Variants in SCMH1 observed in about 807,000 individuals in gnomAD.
SCMH1 encodes Scm polycomb group protein homolog 1.
Under a neutral mutation model 70.8 loss-of-function variants are expected in SCMH1, and 37 were observed. The observed-to-expected ratio is 0.52, with a 90% CI of 0.40 to 0.69. SCMH1 has a LOEUF of 0.69. Among genes scored for constraint, SCMH1 ranks in the 30% least tolerant of loss-of-function variants. The pLI is 0.00. For synonymous variants in SCMH1, 292 were observed against 307.4 expected (o/e 0.95, Z 0.52); for missense variants, 607 against 827.3 (o/e 0.73, Z 3.27).
rs924416079 is a variant in SCMH1, at chr1:41,081,357, T to C, written c.746-5906A>G. ...AATTCCAATAGAAATCTCAGCAGTT[T>C]CTAAAAAATGTGTGGTGTATGTATG... is the stretch of plus-strand genomic sequence containing the variant. On this transcript the variant is annotated intron_variant, in intron 8 of 14. Coordinates refer to ENST00000337495, the Ensembl canonical transcript of SCMH1. Among the ~76,000 whole-genome samples, 70 of 152,308 alleles carry C rather than the reference T, an allele frequency of 4.6e-4. 1 individual carries two copies. The highest frequency in any genetic ancestry group is 4.6e-4 in the Admixed American group (7 of 15,298).
chr1:41,161,576 G>C, intron 2 of SCMH1, 144 bp from the exon 3 acceptor site: 1 of 919,574 alleles, frequency 1.1e-6, no homozygotes, highest in Non-Finnish European at 1.5e-6. Flanking sequence ...CAAAATACAA[G>C]AAAAAGGTTT....
At chr1:41,154,983 A>G (rs1169760712) in intron 4 of SCMH1, among the ~76,000 whole-genome samples, 1 of 152,222 alleles carries the variant, frequency 6.6e-6, no homozygotes, top group East Asian at 1.9e-4. Flanking sequence ...CAGTAAGTGA[A>G]AAGAACTTGA....
intron 7 of SCMH1, among the ~76,000 whole-genome samples, chr1:41,114,587 A>ATT (rs550894300): frequency 0.016 from 2,482 of 151,826 alleles, 27 homozygotes; most frequent in South Asian, 0.03. Context: ...TTGGGTGGAA[A>ATT]TAACCTTTAT....
chr1:41,187,827 AT>A (rs1176370810), intron 1 of SCMH1, among the ~76,000 whole-genome samples: 1 of 147,586 alleles, frequency 6.8e-6, no homozygotes, highest in African/African-American at 2.5e-5. Flanking sequence ...AAAAAAAAAA[AT>A]ATAAAAATTA....
At chr1:41,149,695 G>A (rs531961338) in intron 5 of SCMH1, among the ~76,000 whole-genome samples, 44 of 152,290 alleles carry the variant, frequency 2.9e-4, no homozygotes, top group Middle Eastern at 6.8e-3. Flanking sequence ...CCGGACTGAA[G>A]CAATACTCAG....
At chr1:41,107,664 T>C (rs1397519153) in intron 8 of SCMH1, among the ~76,000 whole-genome samples, 1 of 152,004 alleles carries the variant, frequency 6.6e-6, no homozygotes, top group Non-Finnish European at 1.5e-5. Flanking sequence ...GGACTACAGG[T>C]GGGCACCACC....
At chr1:41,187,307 C>A (rs1464112959) in intron 1 of SCMH1, among the ~76,000 whole-genome samples, 6 of 150,826 alleles carry the variant, frequency 4.0e-5, no homozygotes, top group Non-Finnish European at 7.4e-5. Context: ...ACTAAAAATA[C>A]AAAAATTAGC....
At chr1:41,195,090 C>T (rs1466020174) in intron 1 of SCMH1, among the ~76,000 whole-genome samples, 5 of 127,134 alleles carry the variant, frequency 3.9e-5, no homozygotes, top group African/African-American at 1.5e-4. Flanking sequence ...AAGATCATAC[C>T]ATTGCACTCT....
At chr1:41,192,789 A>G (rs1047355983) in intron 1 of SCMH1, among the ~76,000 whole-genome samples, 3 of 152,156 alleles carry the variant, frequency 2.0e-5, no homozygotes, top group African/African-American at 4.8e-5. Context: ...CATACCTACT[A>G]CTATGGCTTG....
At chr1:41,077,767 A>G in intron 8 of SCMH1, among the ~76,000 whole-genome samples, 1 of 152,188 alleles carries the variant, frequency 6.6e-6, no homozygotes, top group Admixed American at 6.5e-5. Flanking sequence ...GCCCTATCCT[A>G]TTTAGTCTAG....
intron 8 of SCMH1, among the ~76,000 whole-genome samples, chr1:41,102,553 T>C (rs1412736110): frequency 1.3e-5 from 2 of 152,224 alleles, no homozygotes; most frequent in Non-Finnish European, 2.9e-5. Context: ...AGAGGACCTC[T>C]GCAACTACAA....
chr1:41,238,876 T>C (rs1662921227), intron 1 of SCMH1, among the ~76,000 whole-genome samples: 1 of 152,198 alleles, frequency 6.6e-6, no homozygotes, highest in African/African-American at 2.4e-5. Flanking sequence ...AAGTCCAGAA[T>C]TGAACTCATC....
intron 1 of SCMH1, among the ~76,000 whole-genome samples, chr1:41,234,723 C>T (rs1244273331): frequency 6.6e-6 from 1 of 151,942 alleles, no homozygotes; most frequent in Admixed American, 6.6e-5. Context: ...ATCAGCCCAC[C>T]TCGGCCTCCC....
At chr1:41,126,744 A>AT (rs914961255) in intron 6 of SCMH1, among the ~76,000 whole-genome samples, 11 of 152,134 alleles carry the variant, frequency 7.2e-5, no homozygotes, top group Non-Finnish European at 1.6e-4. Context: ...TCCTCATTCT[A>AT]TTTTATGGTT....
chr1:41,183,235 G>A (rs1047761977), intron 2 of SCMH1, among the ~76,000 whole-genome samples: 3 of 152,022 alleles, frequency 2.0e-5, no homozygotes, highest in East Asian at 3.8e-4. Context: ...TATCTCTCAC[G>A]TTGACCAATA....
intron 1 of SCMH1, among the ~76,000 whole-genome samples, chr1:41,236,361 T>A (rs1311309789): frequency 2.0e-5 from 3 of 152,170 alleles, no homozygotes; most frequent in Non-Finnish European, 2.9e-5. Context: ...ATGTTCTCCA[T>A]GACTCAGGAG....
intron 6 of SCMH1, among the ~76,000 whole-genome samples, chr1:41,120,661 C>T (rs932360867): frequency 3.3e-5 from 5 of 152,070 alleles, no homozygotes; most frequent in Non-Finnish European, 7.4e-5. Context: ...CATAATTTAC[C>T]TCAATATTCT....
At chr1:41,141,998 A>T (rs1644128890) in intron 6 of SCMH1, among the ~76,000 whole-genome samples, 2 of 152,204 alleles carry the variant, frequency 1.3e-5, no homozygotes, top group Admixed American at 1.3e-4. Context: ...TATGTTTAAC[A>T]ATTGGAGGTG....
intron 13 of SCMH1, among the ~76,000 whole-genome samples, chr1:41,033,230 G>A (rs60804544): frequency 0.013 from 2,027 of 151,746 alleles, 47 homozygotes; most frequent in African/African-American, 0.047. Context: ...AGGTTGCAAT[G>A]AGCCATGATT....
Sources: gnomAD v4.1 joint callset for allele counts (sites outside exome capture counted in the v4.1 genomes callset) on GRCh38, gnomAD v4.1.1 for gene constraint, MANE v1.5 for transcripts, NCBI Gene and HGNC (gene_info 2026-07-23, HGNC 2026-07-21) for gene names.